The following RBFOX1 variants were observed in gnomAD, a reference collection of about 807,000 sequenced individuals.
The protein encoded by RBFOX1 is RNA binding fox-1 homolog 1.
Under a neutral mutation model 57.7 loss-of-function variants are expected in RBFOX1, and 8 were observed. That is an observed-to-expected ratio of 0.14 (90% confidence interval 0.08 to 0.25). RBFOX1 has a LOEUF of 0.25. Ranked by LOEUF, RBFOX1 falls within the 10% of genes least tolerant of loss-of-function variation. The probability of loss-of-function intolerance (pLI) is 1.00; values close to 1 mark genes in which losing one functional copy is unlikely to be tolerated. For synonymous variants in RBFOX1, 326 were observed against 222.4 expected, an observed-to-expected ratio of 1.47 and a Z score of -4.15; for missense variants, 611 against 548.5, an observed-to-expected ratio of 1.11 and a Z score of -1.14.
intron 3 of RBFOX1, among the ~76,000 whole-genome samples, chr16:7,020,460 C>T (rs983736280): frequency 1.3e-5 from 2 of 152,268 alleles, no homozygotes; most frequent in African/African-American, 4.8e-5. Flanking sequence ...ATCTTGTCAT[C>T]CACCTGCCTC....
At chr16:6,658,808 G>A (rs1320801181) in intron 3 of RBFOX1, among the ~76,000 whole-genome samples, 1 of 152,086 alleles carries the variant, frequency 6.6e-6, no homozygotes, top group Non-Finnish European at 1.5e-5. Flanking sequence ...TGCTTGGATG[G>A]TTCCTGGCCA....
At chr16:6,177,888 G>T (rs562058574) in intron 1 of RBFOX1, among the ~76,000 whole-genome samples, 1 of 136,074 alleles carries the variant, frequency 7.3e-6, no homozygotes, top group East Asian at 2.1e-4. Flanking sequence ...AATTCAGGAA[G>T]AACTTGAAAT....
chr16:6,199,706 G>C (rs764062696), intron 1 of RBFOX1, among the ~76,000 whole-genome samples: 1 of 152,012 alleles, frequency 6.6e-6, no homozygotes, highest in African/African-American at 2.4e-5. Context: ...GAGATGAGGG[G>C]GTAGCAGATG....
At chr16:5,683,347 T>G (rs1176941798) in intron 3 of RBFOX1, among the ~76,000 whole-genome samples, 2 of 152,098 alleles carry the variant, frequency 1.3e-5, no homozygotes, top group Admixed American at 6.6e-5. Context: ...TGCTTTTGAT[T>G]GGCTGTTGTG....
chr16:6,994,285 A>G (rs958407898), intron 3 of RBFOX1, among the ~76,000 whole-genome samples: 1 of 152,172 alleles, frequency 6.6e-6, no homozygotes, highest in African/African-American at 2.4e-5. Context: ...TTCCGACTTA[A>G]TGAAGCCATC....
intron 3 of RBFOX1, among the ~76,000 whole-genome samples, chr16:6,791,094 A>G (rs2154248167): frequency 6.6e-6 from 1 of 151,938 alleles, no homozygotes. Context: ...TTTTGTAGGG[A>G]TGGGGTTTTG....
rs1405728419 is a variant in RBFOX1, at chr16:6,430,475, G to T, written c.-64+113418G>T. On this transcript the variant is annotated intron_variant, in intron 2 of 15. Transcript: ENST00000550418. The stretch of plus-strand genomic sequence containing the variant: ...AAGAGCTTTGAAGAAGGAAAAGGGT[G>T]TTTTCTAGGCAAACTCAAGTGGAGT... Among the ~76,000 whole-genome samples the T allele has an allele frequency of 2.6e-5, 4 of 152,306 alleles. No homozygotes were observed. In the East Asian group the frequency reaches 7.7e-4, roughly 29 times the overall value.
At position 6,256,722 on chromosome 16, in the gene RBFOX1, C is replaced by T. The variant is rs369586576; in HGVS notation, c.-126-60273C>T. ...TAGCATCCCCGGCTGCCACTCATGA[C>T]ATGCCAGCAGTGTCTTCCTCTCCCG... On this transcript the variant is annotated intron_variant, in intron 1 of 15. Coordinates refer to ENST00000550418, the MANE Select transcript of RBFOX1 (RefSeq NM_018723.4). Among the ~76,000 whole-genome samples, 11 of 152,228 alleles carry T rather than the reference C, an allele frequency of 7.2e-5. No homozygotes were observed. In the East Asian group the frequency reaches 1.2e-3, roughly 16 times the overall value.
chr16:6,061,355 A>G (rs1218281633), intron 1 of RBFOX1, among the ~76,000 whole-genome samples: 1 of 152,232 alleles, frequency 6.6e-6, no homozygotes, highest in Non-Finnish European at 1.5e-5. Context: ...ACAAGTGGTC[A>G]GATTTCAAGT....
At chr16:7,460,486 G>A (rs918927771) in intron 4 of RBFOX1, among the ~76,000 whole-genome samples, 1 of 144,106 alleles carries the variant, frequency 6.9e-6, no homozygotes, top group Non-Finnish European at 1.5e-5. Flanking sequence ...AATTATGTAT[G>A]CCTTATATAT....
At chr16:6,572,017 C>T (rs1285125221) in intron 2 of RBFOX1, among the ~76,000 whole-genome samples, 1 of 152,086 alleles carries the variant, frequency 6.6e-6, no homozygotes, top group Non-Finnish European at 1.5e-5. Context: ...TTTACATGGC[C>T]TGTATAAGTA....
chr16:6,073,218 G>A (rs954904538), intron 1 of RBFOX1, among the ~76,000 whole-genome samples: 2 of 152,108 alleles, frequency 1.3e-5, no homozygotes, highest in Non-Finnish European at 1.5e-5. Context: ...GACTTCCAGG[G>A]CTGAGATGAA....
At chr16:5,259,282 A>T (rs778951166) in intron 1 of RBFOX1, among the ~76,000 whole-genome samples, 1 of 152,026 alleles carries the variant, frequency 6.6e-6, no homozygotes, top group African/African-American at 2.4e-5. Flanking sequence ...AAATACACCA[A>T]TTCCTGGAGC....
intron 3 of RBFOX1, among the ~76,000 whole-genome samples, chr16:6,709,501 G>A (rs1318619119): frequency 6.6e-6 from 1 of 152,168 alleles, no homozygotes; most frequent in Non-Finnish European, 1.5e-5. Context: ...TTGACCTACT[G>A]TTGCAGCAGC....
chr16:5,253,934 C>T (rs1235968260), intron 1 of RBFOX1, among the ~76,000 whole-genome samples: 1 of 152,146 alleles, frequency 6.6e-6, no homozygotes, highest in Non-Finnish European at 1.5e-5. Context: ...CTGACTCAGT[C>T]ACAGCAACCC....
At chr16:7,214,385 A>G (rs2091677570) in intron 4 of RBFOX1, among the ~76,000 whole-genome samples, 1 of 151,974 alleles carries the variant, frequency 6.6e-6, no homozygotes, top group South Asian at 2.1e-4. Flanking sequence ...CAAGCTAAAC[A>G]CTTCTTTGTC....
chr16:6,052,959 G>C (rs2095572000), intron 1 of RBFOX1, among the ~76,000 whole-genome samples: 1 of 152,010 alleles, frequency 6.6e-6, no homozygotes, highest in Admixed American at 6.6e-5. Flanking sequence ...TCTTACTGTT[G>C]TTAGCAGTAA....
chr16:6,173,797 A>G (rs1459843031), intron 1 of RBFOX1, among the ~76,000 whole-genome samples: 4 of 151,740 alleles, frequency 2.6e-5, no homozygotes, highest in African/African-American at 9.7e-5. Context: ...TTCAGTAGAG[A>G]TGGGTTTTTG....
chr16:6,739,040 A>G lies in RBFOX1; in HGVS notation c.-16+84390A>G, dbSNP rs117769046. Among the ~76,000 whole-genome samples the G allele has an allele frequency of 1.7e-3, 265 of 152,258 alleles. 3 individuals carry two copies. Among genetic ancestry groups the G allele is most frequent in the East Asian group, 0.017 (90 of 5,178 alleles). ...AAATGCTTTCAATTTAAAAATGACA[A>G]TTCTAAAATCAATAATGTAAGCTCC... On this transcript the variant is annotated intron_variant, in intron 3 of 15. Transcript: ENST00000550418.
Sources: allele counts gnomAD v4.1 joint callset (sites outside exome capture counted in the v4.1 genomes callset), GRCh38; gene constraint gnomAD v4.1.1; transcripts MANE v1.5; gene names NCBI Gene and HGNC (gene_info 2026-07-23, HGNC 2026-07-21).